The following LRCH3 variants were observed in gnomAD, a reference collection of about 807,000 sequenced individuals.
LRCH3 encodes DISP complex protein LRCH3.
LRCH3 carries 68 observed loss-of-function variants against 104.5 expected under a neutral mutation model. That is an observed-to-expected ratio of 0.65 (90% CI 0.54 to 0.80). The LOEUF is 0.80. LRCH3 is among the 30% of genes least tolerant of loss of function. LRCH3 has a pLI of 0.00. For synonymous variants in LRCH3, 344 were observed against 361.3 expected, an observed-to-expected ratio of 0.95 and a Z score of 0.54; for missense variants, 951 against 953.9, an observed-to-expected ratio of 1.00 and a Z score of 0.04.
At chr3:197,841,396 T>C (rs535203972) in intron 10 of LRCH3, among the ~76,000 whole-genome samples, 48 of 152,212 alleles carry the variant, frequency 3.2e-4, no homozygotes, top group Non-Finnish European at 6.3e-4. Flanking sequence ...CAAATCCTCC[T>C]TATGTTTGGA....
chr3:197,807,393 A>T (rs1292659925), intron 1 of LRCH3, among the ~76,000 whole-genome samples: 6 of 150,952 alleles, frequency 4.0e-5, no homozygotes, highest in Admixed American at 4.0e-4. Context: ...ATTTTTTTGT[A>T]TTTCTTTTTA....
At chr3:197,840,456 CAAAA>C (rs1396883558) in intron 10 of LRCH3, among the ~76,000 whole-genome samples, 1 of 99,954 alleles carries the variant, frequency 1.0e-5, no homozygotes, top group Non-Finnish European at 2.1e-5. Flanking sequence ...GACTCCATCT[CAAAA>C]AAACCAAAAA....
intron 10 of LRCH3, among the ~76,000 whole-genome samples, chr3:197,846,271 GAC>G (rs1183354557): frequency 2.0e-5 from 3 of 151,372 alleles, no homozygotes; most frequent in East Asian, 3.9e-4. Context: ...TGGGTTGGTT[GAC>G]ACACACCTGT....
chr3:197,812,513 T>TTTTTTTTTTTTG (rs1733274496), intron 1 of LRCH3, among the ~76,000 whole-genome samples: 1 of 129,440 alleles, frequency 7.7e-6, no homozygotes, highest in East Asian at 2.2e-4. Context: ...AGTTTTTTTT[T>TTTTTTTTTTTTG]TTTTTTTTTT....
At chr3:197,857,762 AT>A (rs1454455643) in intron 14 of LRCH3, among the ~76,000 whole-genome samples, 1 of 152,200 alleles carries the variant, frequency 6.6e-6, no homozygotes, top group Non-Finnish European at 1.5e-5. Context: ...GTGTATTACC[AT>A]TGTCACAGTT....
Position 197,848,969 on chromosome 3 carries a change from T to G in LRCH3, c.1530+948T>G, listed in dbSNP as rs537478008. The stretch of plus-strand genomic sequence containing the variant: ...CCTTGTCTCTTGTTTTCTATAAAAA[T>G]GCAGGCAAATCTGGCCGGGTGTGGT... On this transcript the variant is annotated intron_variant, in intron 12 of 20. Transcript: ENST00000425562. Among the ~76,000 whole-genome samples, 13 of 152,300 alleles carry G rather than the reference T, an allele frequency of 8.5e-5. No homozygotes were observed. The South Asian group carries it at 2.5e-3, about 29-fold the overall frequency.
In LRCH3 at chr3:197,887,640, G is replaced by T. The variant is rs1337644237; in HGVS notation, c.*3974G>T. On this transcript the variant is annotated 3_prime_UTR_variant, in exon 21 of 21. Coordinates refer to ENST00000425562, the MANE Select transcript of LRCH3 (RefSeq NM_001365715.1). ...CCCATCACTGACAGTGTCTGGGGCT[G>T]AGAGCCCCCCCTAGCAGAGCCCTTC... 1 of 145,350 alleles carries T rather than the reference G, an allele frequency of 6.9e-6. No homozygotes were observed. The highest frequency in any genetic ancestry group is 2.6e-5 in the African/African-American group (1 of 38,214). 9.0% of individuals were successfully genotyped at this position (145,350 alleles called of 1,614,324 possible).
rs1228580684 is a variant in LRCH3 at position 197,871,393 on chromosome 3, T to G, written c.2061T>G (p.Val687=). 1 of 1,614,222 alleles carries G rather than the reference T, an allele frequency of 6.2e-7. No individual in the cohort carries two copies. Among genetic ancestry groups the G allele is most frequent in the Non-Finnish European group, 8.5e-7 (1 of 1,180,040 alleles). The change falls in exon 19 of 21, where the codon GTT becomes GTG. Residue 687 remains valine (V), a synonymous_variant. Transcript: ENST00000425562. ...DLGAALTDGV[V]LCHLANHVRP... ...GAGCAGCTCTAACTGACGGTGTTGT[T>G]CTTTGCCATTTGGCCAATCATGTGC...
intron 20 of LRCH3, chr3:197,882,618 A>G: frequency 1.0e-6 from 1 of 964,406 alleles, no homozygotes; most frequent in African/African-American, 1.9e-5. Flanking sequence ...GTTCTTTGTA[A>G]GAGCAATCTC....
Position 197,888,157 on chromosome 3 carries a change from G to A in LRCH3, c.*4491G>A, listed in dbSNP as rs1714383819. The A allele has an allele frequency of 6.6e-6, 1 of 152,154 alleles. No homozygotes were observed. The highest frequency in any genetic ancestry group is 1.5e-5 in the Non-Finnish European group (1 of 68,022). The allele number at this position is 152,154 out of a possible 1,614,324, so 9.4% of individuals were successfully genotyped here. On this transcript the variant is annotated 3_prime_UTR_variant, in exon 21 of 21. Coordinates refer to ENST00000425562, the MANE Select transcript of LRCH3 (RefSeq NM_001365715.1). The stretch of plus-strand genomic sequence containing the variant: ...TTCGTAAAAACTAAGCGCTTAAATG[G>A]TTATAGAAATGAAAACATGGATATT...
intron 12 of LRCH3, among the ~76,000 whole-genome samples, chr3:197,850,149 A>G (rs1264344588): frequency 6.6e-6 from 1 of 152,160 alleles, no homozygotes; most frequent in Non-Finnish European, 1.5e-5. Flanking sequence ...TGATTTGTAG[A>G]TTTAAAATAA....
Position 197,871,083 on chromosome 3 carries a change from T to G in LRCH3, c.1993-242T>G, listed in dbSNP as rs1236668777. Among the ~76,000 whole-genome samples the G allele has an allele frequency of 2.7e-5, 4 of 150,762 alleles. No individual in the cohort carries two copies. In the South Asian group the frequency reaches 8.4e-4, roughly 32 times the overall value. On this transcript the variant is annotated intron_variant, in intron 18 of 20. Coordinates refer to ENST00000425562, the MANE Select transcript of LRCH3 (RefSeq NM_001365715.1). Reference sequence around the variant, plus strand: ...GTTGGAATTGAAGGAGAATCTAGGTTTTTTTTTTTAATCAGAAAGTTGTAA... The same window carrying G: ...GTTGGAATTGAAGGAGAATCTAGGTGTTTTTTTTTAATCAGAAAGTTGTAA...
At chr3:197,846,336 C>T (rs920020971) in intron 10 of LRCH3, among the ~76,000 whole-genome samples, 2 of 142,484 alleles carry the variant, frequency 1.4e-5, no homozygotes, top group African/African-American at 2.7e-5. Flanking sequence ...GCCAGGAGGT[C>T]GAATCTGCAG....
chr3:197,849,071 C>T (rs546360930), intron 12 of LRCH3, among the ~76,000 whole-genome samples: 5 of 152,192 alleles, frequency 3.3e-5, no homozygotes, highest in African/African-American at 7.2e-5. Flanking sequence ...TGAGACCAGC[C>T]TGGCCAACAT....
intron 19 of LRCH3, among the ~76,000 whole-genome samples, chr3:197,875,004 C>T (rs1712704549): frequency 6.9e-6 from 1 of 145,692 alleles, no homozygotes; most frequent in African/African-American, 2.8e-5. Context: ...CTCCCCACAA[C>T]CTCTGCCTCC....
chr3:197,851,198 A>G (rs1299550411), intron 12 of LRCH3, among the ~76,000 whole-genome samples: 1 of 152,208 alleles, frequency 6.6e-6, no homozygotes, highest in African/African-American at 2.4e-5. Context: ...TGTGTTTTGC[A>G]TAAATTAACT....
In LRCH3 at chr3:197,817,341, T is replaced by TATTTTGTGTGTGTGTGC. The variant is rs372167489; in HGVS notation, c.534+39_534+40insATTTTGTGTGTGTGTGC. 3,511 of 435,450 alleles carry TATTTTGTGTGTGTGTGC rather than the reference T, an allele frequency of 8.1e-3. 1,458 individuals are homozygous for TATTTTGTGTGTGTGTGC. The highest frequency in any genetic ancestry group is 0.021 in the Middle Eastern group (32 of 1,532). 27.0% of individuals were successfully genotyped at this position (435,450 alleles called of 1,614,324 possible). On this transcript the variant is annotated intron_variant, in intron 3 of 20. Transcript: ENST00000425562. ...TTTGATTGTCCAACATGTGTGTGTG[T>TATTTTGTGTGTGTGTGC]GTGTCTGTGTGTGTGTGTGTATATA...
Position 197,883,697 on chromosome 3 carries a change from C to A in LRCH3, c.*31C>A. The A allele has an allele frequency of 6.5e-7, 1 of 1,527,282 alleles. No individual in the cohort carries two copies. The highest frequency in any genetic ancestry group is 8.8e-7 in the Non-Finnish European group (1 of 1,142,814). The allele number at this position is 1,527,282 out of a possible 1,614,324, so 94.6% of individuals were successfully genotyped here. On this transcript the variant is annotated 3_prime_UTR_variant, in exon 21 of 21. Coordinates refer to ENST00000425562, the MANE Select transcript of LRCH3 (RefSeq NM_001365715.1). This position sits in a 1 kb window ranked among gnomAD's most constrained non-coding sequence, Gnocchi z 4.2. ...CCCAGGACGGTGGGCACTGGCCTGGCCAAAACAAGGAACAGGACACCGTGA... is the reference window on the plus strand; with the variant it reads ...CCCAGGACGGTGGGCACTGGCCTGGACAAAACAAGGAACAGGACACCGTGA...
intron 17 of LRCH3, among the ~76,000 whole-genome samples, chr3:197,869,371 G>A (rs554992458): frequency 4.2e-4 from 62 of 148,884 alleles, no homozygotes; most frequent in African/African-American, 1.4e-3. Flanking sequence ...AGTAGAAAGC[G>A]GTGCACTGTA....
Sources: allele counts gnomAD v4.1 joint callset (sites outside exome capture counted in the v4.1 genomes callset), GRCh38; gene constraint gnomAD v4.1.1; non-coding constraint Gnocchi (gnomAD v3.1); transcripts MANE v1.5; gene names NCBI Gene and HGNC (gene_info 2026-07-23, HGNC 2026-07-21).